LMX1B: variants seen among roughly 807,000 people sequenced by gnomAD.
The protein encoded by LMX1B is LIM homeobox transcription factor 1 beta.
A neutral mutation model predicts 51.4 loss-of-function variants in LMX1B; 12 were observed. That is an observed-to-expected ratio of 0.23 (90% CI 0.15 to 0.38). LMX1B has a LOEUF of 0.38. Ranked by LOEUF, LMX1B falls within the 10% of genes least tolerant of loss-of-function variation. The probability of loss-of-function intolerance (pLI) is 1.00; values close to 1 mark genes in which losing one functional copy is unlikely to be tolerated. For missense variants in LMX1B, 445 were observed against 571.1 expected (o/e 0.78, Z 2.25); for synonymous variants, 237 against 235.4 (o/e 1.01, Z -0.06).
At chr9:126,663,191 T>C (rs963167112) in intron 2 of LMX1B, among the ~76,000 whole-genome samples, 9 of 101,972 alleles carry the variant, frequency 8.8e-5, no homozygotes, top group South Asian at 3.2e-4. Context: ...CTTTGGGAGG[T>C]TGAGGCGGGC....
rs1351467366 is a variant in LMX1B, at chr9:126,615,872, G to A, written c.326+303G>A. On this transcript the variant is annotated intron_variant, in intron 2 of 7. Coordinates refer to ENST00000373474, the MANE Select transcript of LMX1B (RefSeq NM_001174147.2). This position sits in a 1 kb window ranked among gnomAD's most constrained non-coding sequence, Gnocchi z 6.0. The stretch of plus-strand genomic sequence containing the variant: ...CCTGGGATATAGGGTCTGGCGCTAC[G>A]GAGGCCTGAATTGGGAACCCAAAAT... 2.0e-5 allele frequency among the ~76,000 whole-genome samples: 3 copies of A among 152,210 alleles called. No homozygotes were observed. Among genetic ancestry groups the A allele is most frequent in the Non-Finnish European group, 4.4e-5 (3 of 68,044 alleles).
chr9:126,665,460 T>C (rs139110269), intron 2 of LMX1B, among the ~76,000 whole-genome samples: 96 of 152,374 alleles, frequency 6.3e-4, no homozygotes, highest in African/African-American at 2.2e-3. Context: ...TTACTGAGTG[T>C]TGGAGAAAAG....
rs779330478 is a variant in LMX1B at position 126,690,968 on chromosome 9, C to T, written c.459C>T (p.Gly153=). Residue 153 remains glycine, a synonymous_variant, in exon 3 of 8, where the codon GGC becomes GGT. Transcript: ENST00000373474. ...TGTGTGAACGGCAGCTACGCAAGGG[C>T]GACGAATTCGTGCTCAAGGAGGGCC... The part of the protein sequence containing the change: ...CCVCERQLRK[G]DEFVLKEGQL... 76 of 1,613,922 alleles carry T rather than the reference C, an allele frequency of 4.7e-5. No individual in the cohort carries two copies. Among genetic ancestry groups the T allele is most frequent in the Admixed American group, 6.7e-5 (4 of 59,998 alleles).
chr9:126,664,247 C>T (rs538422709), intron 2 of LMX1B, among the ~76,000 whole-genome samples: 3 of 152,294 alleles, frequency 2.0e-5, no homozygotes, highest in East Asian at 1.9e-4. Context: ...CGCTCTGTGT[C>T]GTTTCCATGG....
In LMX1B at chr9:126,690,995, G is replaced by C. The variant is rs763335624; in HGVS notation, c.486G>C (p.Gln162His). 2 of 1,614,006 alleles carry C rather than the reference G, an allele frequency of 1.2e-6. No homozygotes were observed. The highest frequency in any genetic ancestry group is 1.7e-6 in the Non-Finnish European group (2 of 1,179,988). The change falls in exon 3 of 8, where the codon CAG (glutamine) becomes CAC (histidine). Residue 162 changes from glutamine to histidine, a missense_variant. By Grantham distance (24) the Gln-to-His change is conservative. Coordinates refer to ENST00000373474, the MANE Select transcript of LMX1B (RefSeq NM_001174147.2). ...KGDEFVLKEG[Q>H]LLCKGDYEKE... ...ACGAATTCGTGCTCAAGGAGGGCCA[G>C]CTGCTGTGCAAGGGTGACTACGAGA...
intron 2 of LMX1B, among the ~76,000 whole-genome samples, chr9:126,663,687 A>G (rs761157244): frequency 2.6e-5 from 4 of 152,194 alleles, no homozygotes; most frequent in Non-Finnish European, 5.9e-5. Context: ...TCACCATTTC[A>G]ATTTGTTTTG....
intron 2 of LMX1B, among the ~76,000 whole-genome samples, chr9:126,662,980 T>C (rs1210400188): frequency 6.6e-6 from 1 of 152,060 alleles, no homozygotes; most frequent in Non-Finnish European, 1.5e-5. Flanking sequence ...GAGGGTGGCG[T>C]TGGCAGTGGT....
At chr9:126,654,701 G>A (rs1418536473) in intron 2 of LMX1B, among the ~76,000 whole-genome samples, 3 of 152,304 alleles carry the variant, frequency 2.0e-5, no homozygotes, top group East Asian at 3.9e-4. Context: ...AGAAGGAAAC[G>A]AGGAGCAACT....
At chr9:126,683,512 G>C (rs1836716177) in intron 2 of LMX1B, among the ~76,000 whole-genome samples, 1 of 152,344 alleles carries the variant, frequency 6.6e-6, no homozygotes, top group African/African-American at 2.4e-5. Context: ...GACTCTAGCA[G>C]CAGCAGCCGT....
rs1009950237 is a variant in LMX1B, at chr9:126,696,340, C to T, written c.1098C>T (p.Thr366=). The change falls in exon 8 of 8, where the codon ACC becomes ACT. Residue 366 remains threonine (T), a synonymous_variant. Coordinates refer to ENST00000373474, the MANE Select transcript of LMX1B (RefSeq NM_001174147.2). ...ACATCGACAGCGATACCTCCTTAAC[C>T]AGCCTCAGCGACTGCTTCCTCGGCT... ...FHDIDSDTSL[T]SLSDCFLGSS... is the part of the protein sequence containing the mutation. The T allele has an allele frequency of 2.0e-5, 32 of 1,614,024 alleles. No homozygotes were observed. Among genetic ancestry groups the T allele is most frequent in the Non-Finnish European group, 2.7e-5 (32 of 1,180,000 alleles).
chr9:126,693,959 T>C (rs2030242757), intron 6 of LMX1B, 147 bp downstream of exon 6: 2 of 599,020 alleles, frequency 3.3e-6, no homozygotes, highest in Non-Finnish European at 5.9e-6. Context: ...GTCCCAGGGC[T>C]AGGGACAAAG....
chr9:126,677,939 C>T lies in LMX1B; in HGVS notation c.327-12897C>T, dbSNP rs1836596795. On this transcript the variant is annotated intron_variant, in intron 2 of 7. Transcript: ENST00000373474. This position sits in a 1 kb window ranked among gnomAD's most constrained non-coding sequence, Gnocchi z 5.0. ...GGAAATAAGGGAGGAGATGGTTGGT[C>T]CTCCCTCTGGAGGAGAGAGCTACCA... Among the ~76,000 whole-genome samples, 1 of 152,104 alleles carries T rather than the reference C, an allele frequency of 6.6e-6. No individual in the cohort carries two copies. The highest frequency in any genetic ancestry group is 1.5e-5 in the Non-Finnish European group (1 of 68,030).
intron 2 of LMX1B, among the ~76,000 whole-genome samples, chr9:126,650,081 A>G (rs1240371832): frequency 6.6e-6 from 1 of 152,000 alleles, no homozygotes; most frequent in African/African-American, 2.4e-5. Context: ...CCTCTCCTAC[A>G]TCCCCCAGCA....
At chr9:126,631,913 A>G (rs544656661) in intron 2 of LMX1B, among the ~76,000 whole-genome samples, 1 of 152,186 alleles carries the variant, frequency 6.6e-6, no homozygotes, top group Admixed American at 6.5e-5. Context: ...TGATGCTCCC[A>G]CAGTCCTTTG....
At chr9:126,667,319 C>T (rs1836359884) in intron 2 of LMX1B, among the ~76,000 whole-genome samples, 1 of 152,234 alleles carries the variant, frequency 6.6e-6, no homozygotes, top group African/African-American at 2.4e-5. Flanking sequence ...ATCTTGCAGC[C>T]ACGACGTAAC....
intron 2 of LMX1B, among the ~76,000 whole-genome samples, chr9:126,648,490 A>G (rs1418106857): frequency 6.6e-6 from 1 of 152,096 alleles, no homozygotes. Flanking sequence ...CCCTCCTGTG[A>G]GCTGTGGTAC....
chr9:126,690,961 G>T lies in LMX1B; in HGVS notation c.452G>T (p.Arg151Leu), dbSNP rs761586119. Residue 151 changes from arginine to leucine, a missense_variant, in exon 3 of 8, where the codon CGC (arginine) becomes CTC (leucine). Transcript: ENST00000373474. ...TGCTGCGTGTGTGAACGGCAGCTAC[G>T]CAAGGGCGACGAATTCGTGCTCAAG... Reference protein sequence around the residue: ...FCCCVCERQLRKGDEFVLKEG... With the variant: ...FCCCVCERQLLKGDEFVLKEG... 1 of 1,614,092 alleles carries T rather than the reference G, an allele frequency of 6.2e-7. No homozygotes were observed. Among genetic ancestry groups the T allele is most frequent in the East Asian group, 2.2e-5 (1 of 44,872 alleles).
At chr9:126,670,114 G>A (rs577988053) in intron 2 of LMX1B, among the ~76,000 whole-genome samples, 8 of 152,162 alleles carry the variant, frequency 5.3e-5, no homozygotes, top group Admixed American at 2.0e-4. Flanking sequence ...AGAGAGTCCC[G>A]GCGTGTGCCT....
chr9:126,655,608 T>C (rs997173623), intron 2 of LMX1B, among the ~76,000 whole-genome samples: 2 of 152,168 alleles, frequency 1.3e-5, no homozygotes, highest in African/African-American at 2.4e-5. Context: ...GCCTGGCACG[T>C]AGTAGGGGCT....
Sources: allele counts gnomAD v4.1 joint callset (sites outside exome capture counted in the v4.1 genomes callset), GRCh38; gene constraint gnomAD v4.1.1; non-coding constraint Gnocchi (gnomAD v3.1); transcripts MANE v1.5; gene names NCBI Gene and HGNC (gene_info 2026-07-23, HGNC 2026-07-21).